Variants in CACNB4 observed in about 807,000 individuals in gnomAD.
CACNB4 encodes calcium voltage-gated channel auxiliary subunit beta 4.
CACNB4 carries 32 observed loss-of-function variants against 71.2 expected under a neutral mutation model. The ratio of observed to expected loss-of-function variants is 0.45; its 90% CI spans 0.34 to 0.60. The LOEUF is 0.60. Among genes scored for constraint, CACNB4 ranks in the 20% least tolerant of loss-of-function variants. The pLI, the probability that CACNB4 is intolerant of heterozygous loss-of-function variation, is 0.01. For synonymous variants in CACNB4, 231 were observed against 236.9 expected, an observed-to-expected ratio of 0.97 and a Z score of 0.23; for missense variants, 464 against 647.9, an observed-to-expected ratio of 0.72 and a Z score of 3.08.
intron 2 of CACNB4, among the ~76,000 whole-genome samples, chr2:152,025,175 G>C (rs567394526): frequency 1.5e-4 from 23 of 152,314 alleles, no homozygotes; most frequent in African/African-American, 5.3e-4. Flanking sequence ...TCTATTGCTA[G>C]ACAGTGAGCA....
At chr2:151,841,822 C>T (rs1490932498) in intron 13 of CACNB4, 81 bp downstream of exon 13, 5 of 1,169,060 alleles carry the variant, frequency 4.3e-6, no homozygotes, top group African/African-American at 3.1e-5. Flanking sequence ...TTAAGGATGA[C>T]TCCAGTCTCC....
intron 2 of CACNB4, among the ~76,000 whole-genome samples, chr2:151,989,903 C>A (rs766493019): frequency 6.6e-6 from 1 of 152,186 alleles, no homozygotes; most frequent in Non-Finnish European, 1.5e-5. Flanking sequence ...TCCCTTCCCC[C>A]TCTCCACTGA....
intron 2 of CACNB4, among the ~76,000 whole-genome samples, chr2:151,926,554 A>C (rs1403027764): frequency 6.6e-6 from 1 of 151,002 alleles, no homozygotes; most frequent in Non-Finnish European, 1.5e-5. Flanking sequence ...GAATTCAGAG[A>C]GCTCAGGGAT....
chr2:151,983,675 T>TCACACACACACA (rs1553803380), intron 2 of CACNB4, among the ~76,000 whole-genome samples: 28 of 141,540 alleles, frequency 2.0e-4, no homozygotes, highest in African/African-American at 5.8e-4. Flanking sequence ...TAAACTTTGG[T>TCACACACACACA]CACACACACA....
At chr2:152,062,096 T>G (rs1686052708) in intron 2 of CACNB4, among the ~76,000 whole-genome samples, 1 of 151,648 alleles carries the variant, frequency 6.6e-6, no homozygotes, top group South Asian at 2.1e-4. Flanking sequence ...GTAATTCTTT[T>G]TCAGCAAATA....
chr2:151,853,383 G>GAA, intron 12 of CACNB4, 65 bp downstream of exon 12: 2 of 865,386 alleles, frequency 2.3e-6, no homozygotes, highest in Non-Finnish European at 3.5e-6. Context: ...ACAATATGAA[G>GAA]AAAAAAAAAC....
At chr2:151,879,853 C>T (rs2099847386) in intron 4 of CACNB4, 1 of 152,230 alleles carries the variant, frequency 6.6e-6, no homozygotes, top group Non-Finnish European at 1.5e-5. Context: ...CAATCAAATA[C>T]AAGGTTGGAA....
chr2:151,916,695 A>G (rs929208551), intron 2 of CACNB4, among the ~76,000 whole-genome samples: 2 of 152,270 alleles, frequency 1.3e-5, no homozygotes, highest in Non-Finnish European at 2.9e-5. Context: ...GAGCCACAAG[A>G]GGAAACATCA....
intron 2 of CACNB4, among the ~76,000 whole-genome samples, chr2:151,909,201 T>C (rs903629603): frequency 6.7e-6 from 1 of 149,964 alleles, no homozygotes; most frequent in African/African-American, 2.4e-5. Flanking sequence ...AGGCCAAGGG[T>C]AGGCGGATCA....
chr2:152,076,255 C>T (rs1481895833), intron 2 of CACNB4, among the ~76,000 whole-genome samples: 1 of 148,402 alleles, frequency 6.7e-6, no homozygotes, highest in East Asian at 2.0e-4. Flanking sequence ...CAATTCTCTG[C>T]CTCAGCCTCC....
At chr2:152,038,251 T>C (rs557405317) in intron 2 of CACNB4, among the ~76,000 whole-genome samples, 22 of 152,310 alleles carry the variant, frequency 1.4e-4, no homozygotes, top group African/African-American at 4.8e-4. Flanking sequence ...GAGCTTGTAA[T>C]TCTGGGGTTT....
chr2:151,987,978 T>C (rs1259557194), intron 2 of CACNB4, among the ~76,000 whole-genome samples: 1 of 152,220 alleles, frequency 6.6e-6, no homozygotes. Context: ...CTTTTGAAAA[T>C]GATTCCATTA....
chr2:151,907,360 T>C (rs1377562718), intron 2 of CACNB4, among the ~76,000 whole-genome samples: 4 of 152,154 alleles, frequency 2.6e-5, no homozygotes, highest in African/African-American at 9.7e-5. Context: ...CCCAAATTAC[T>C]GGAAAGAAAA....
intron 2 of CACNB4, among the ~76,000 whole-genome samples, chr2:152,065,436 G>A (rs1338858894): frequency 6.6e-6 from 1 of 151,654 alleles, no homozygotes. Flanking sequence ...TTTCCCCAGG[G>A]AACTTCACTT....
At chr2:152,043,849 A>C (rs780707088) in intron 2 of CACNB4, among the ~76,000 whole-genome samples, 2 of 152,186 alleles carry the variant, frequency 1.3e-5, no homozygotes, top group African/African-American at 2.4e-5. Flanking sequence ...AAACTGTTAA[A>C]TTGAGAGGGC....
chr2:152,090,206 T>C (rs1246638341), intron 2 of CACNB4, among the ~76,000 whole-genome samples: 1 of 152,228 alleles, frequency 6.6e-6, no homozygotes, highest in Non-Finnish European at 1.5e-5. Context: ...TTGCCTTTTG[T>C]TTAAACCTTG....
intron 2 of CACNB4, among the ~76,000 whole-genome samples, chr2:152,097,748 T>C (rs1688350031): frequency 6.6e-6 from 1 of 152,128 alleles, no homozygotes; most frequent in Admixed American, 6.5e-5. Flanking sequence ...TGGCCTTCGT[T>C]AATTCCTATT....
intron 2 of CACNB4, among the ~76,000 whole-genome samples, chr2:152,031,242 C>G (rs1684265944): frequency 6.6e-6 from 1 of 152,172 alleles, no homozygotes; most frequent in Admixed American, 6.5e-5. Flanking sequence ...TTGGTCACCC[C>G]ACAAAGGACA....
intron 2 of CACNB4, among the ~76,000 whole-genome samples, chr2:151,894,724 A>T (rs898403228): frequency 2.6e-5 from 4 of 152,216 alleles, no homozygotes; most frequent in Non-Finnish European, 4.4e-5. Context: ...CAGGATACAA[A>T]ATAAACATAC....
Sources: gnomAD v4.1 joint callset for allele counts (sites outside exome capture counted in the v4.1 genomes callset) on GRCh38, gnomAD v4.1.1 for gene constraint, MANE v1.5 for transcripts, NCBI Gene and HGNC (gene_info 2026-07-23, HGNC 2026-07-21) for gene names.